The following AFF3 variants were observed in gnomAD, a reference collection of about 807,000 sequenced individuals.
AFF3 encodes the protein ALF transcription elongation factor 3.
In AFF3, 32 loss-of-function variants were observed where a neutral mutation model predicts 129.7. That is an observed-to-expected ratio of 0.25 (90% CI 0.19 to 0.33). The LOEUF (loss-of-function observed/expected upper bound fraction) is 0.33, where lower values mean the gene tolerates loss of function less well. Among genes scored for constraint, AFF3 ranks in the 10% least tolerant of loss-of-function variants. The pLI is 1.00. For missense variants in AFF3, 1,373 were observed against 1,592.0 expected, an observed-to-expected ratio of 0.86 and a Z score of 2.34; for synonymous variants, 644 against 635.4, an observed-to-expected ratio of 1.01 and a Z score of -0.20.
At chr2:99,570,456 C>A (rs1676371423) in intron 18 of AFF3, among the ~76,000 whole-genome samples, 1 of 152,164 alleles carries the variant, frequency 6.6e-6, no homozygotes. Flanking sequence ...CCCACCACAG[C>A]CTCCCAGGTA....
rs1404505930 is a variant in AFF3 at position 99,558,945 on chromosome 2, T to C, written c.3215A>G (p.Tyr1072Cys). 1.2e-6 allele frequency: 2 copies of C among 1,614,020 alleles called. No homozygotes were observed. Among genetic ancestry groups the C allele is most frequent in the Non-Finnish European group, 1.7e-6 (2 of 1,180,016 alleles). Reference protein sequence around the residue: ...ALCYRCLALLYWRMFRLKRDH... With the variant: ...ALCYRCLALLCWRMFRLKRDH... Reference sequence around the variant, plus strand: ...CCTTTTGAGTCGAAACATCCGCCAGTACAGGAGGGCCAGGCATCGGTAACT... The same window carrying C: ...CCTTTTGAGTCGAAACATCCGCCAGCACAGGAGGGCCAGGCATCGGTAACT... The change falls in exon 22 of 25, where the codon TAC becomes TGC. Residue 1072 changes from tyrosine (Y) to cysteine (C), a missense_variant. Transcript: ENST00000672756.
At chr2:100,010,657 G>T (rs1043720316) in intron 4 of AFF3, among the ~76,000 whole-genome samples, 2 of 152,124 alleles carry the variant, frequency 1.3e-5, no homozygotes, top group Non-Finnish European at 2.9e-5. Context: ...CTAACATCAC[G>T]ATCACTGATC....
intron 15 of AFF3, among the ~76,000 whole-genome samples, chr2:99,588,737 G>A (rs550275148): frequency 6.6e-6 from 1 of 152,220 alleles, no homozygotes; most frequent in East Asian, 1.9e-4. Context: ...CCAAAGCTCC[G>A]AGTTCTTAGT....
At chr2:99,692,662 C>G (rs77179555) in intron 11 of AFF3, among the ~76,000 whole-genome samples, 2,176 of 152,292 alleles carry the variant, frequency 0.014, 26 homozygotes, top group Non-Finnish European at 0.022. Flanking sequence ...TAGAAGTCCA[C>G]CAGACATTCC....
chr2:100,060,782 G>A (rs918400758), intron 4 of AFF3, among the ~76,000 whole-genome samples: 1 of 152,008 alleles, frequency 6.6e-6, no homozygotes, highest in Non-Finnish European at 1.5e-5. Context: ...GGCAACACTG[G>A]TATGATACTA....
intron 7 of AFF3, among the ~76,000 whole-genome samples, chr2:99,870,537 C>T (rs1196622248): frequency 6.6e-6 from 1 of 152,214 alleles, no homozygotes; most frequent in African/African-American, 2.4e-5. Context: ...ATGCAGACCC[C>T]ACCCCTGTGA....
chr2:99,688,749 C>T (rs955949008), intron 11 of AFF3, among the ~76,000 whole-genome samples: 5 of 152,160 alleles, frequency 3.3e-5, no homozygotes, highest in African/African-American at 1.2e-4. Flanking sequence ...ATGACTGCTT[C>T]CTCCAAGTGC....
chr2:99,897,919 C>T (rs1694090286), intron 7 of AFF3, among the ~76,000 whole-genome samples: 3 of 152,112 alleles, frequency 2.0e-5, no homozygotes, highest in South Asian at 4.2e-4. Flanking sequence ...TTATAATCTG[C>T]CAGTTTAATA....
chr2:99,744,919 G>A (rs1362935207), intron 9 of AFF3, among the ~76,000 whole-genome samples: 4 of 152,120 alleles, frequency 2.6e-5, no homozygotes, highest in Non-Finnish European at 5.9e-5. Context: ...GAATTTCTGG[G>A]TTATATAACT....
chr2:99,980,926 C>T (rs1679342603), intron 7 of AFF3, among the ~76,000 whole-genome samples: 1 of 152,026 alleles, frequency 6.6e-6, no homozygotes, highest in South Asian at 2.1e-4. Flanking sequence ...TTGGGATCAT[C>T]CTCTATATAT....
intron 3 of AFF3, chr2:100,104,798 A>AGCCGCCGCC (rs1161664536): frequency 0.035 from 21,264 of 615,884 alleles, 826 homozygotes; most frequent in African/African-American, 0.1. Context: ...CCGCTGCTGC[A>AGCCGCCGCC]GCCGCCGCCG....
chr2:99,755,595 A>C (rs1682031374), intron 8 of AFF3, among the ~76,000 whole-genome samples: 1 of 152,060 alleles, frequency 6.6e-6, no homozygotes, highest in Non-Finnish European at 1.5e-5. Flanking sequence ...GCAACTGGGC[A>C]ATCTTATGGG....
At chr2:99,899,588 G>A (rs1344313178) in intron 7 of AFF3, among the ~76,000 whole-genome samples, 1 of 152,200 alleles carries the variant, frequency 6.6e-6, no homozygotes, top group Non-Finnish European at 1.5e-5. Context: ...AAGAAGTATT[G>A]CTGACATAAG....
chr2:99,751,195 G>A (rs1681623689), intron 9 of AFF3, among the ~76,000 whole-genome samples: 1 of 152,208 alleles, frequency 6.6e-6, no homozygotes. Flanking sequence ...TCAGGTTCAA[G>A]TGATCCTCCT....
chr2:100,137,502 C>G (rs1035801383), intron 1 of AFF3, among the ~76,000 whole-genome samples: 1 of 151,938 alleles, frequency 6.6e-6, no homozygotes, highest in African/African-American at 2.4e-5. Context: ...TTATGTGTGC[C>G]TGGTGCGTGC....
intron 7 of AFF3, among the ~76,000 whole-genome samples, chr2:99,873,729 T>G (rs1576244158): frequency 8.4e-6 from 1 of 118,880 alleles, no homozygotes; most frequent in South Asian, 2.4e-4. Flanking sequence ...ATCTTAGTGG[T>G]TTTTTTTTTT....
intron 7 of AFF3, among the ~76,000 whole-genome samples, chr2:99,846,936 T>G (rs1251318350): frequency 6.6e-6 from 1 of 152,184 alleles, no homozygotes; most frequent in East Asian, 1.9e-4. Flanking sequence ...CAGCCATTTC[T>G]ATGTATGCTC....
At chr2:100,115,215 C>G (rs937399078) in intron 2 of AFF3, among the ~76,000 whole-genome samples, 2 of 152,130 alleles carry the variant, frequency 1.3e-5, no homozygotes, top group African/African-American at 4.8e-5. Flanking sequence ...GTGATCCCAC[C>G]TATAGCTAAT....
intron 7 of AFF3, among the ~76,000 whole-genome samples, chr2:99,991,424 A>G (rs1187176743): frequency 1.3e-5 from 2 of 152,204 alleles, no homozygotes; most frequent in Non-Finnish European, 2.9e-5. Flanking sequence ...TCGATAAAAC[A>G]GCAGATTAAA....
Sources: gnomAD v4.1 joint callset for allele counts (sites outside exome capture counted in the v4.1 genomes callset) on GRCh38, gnomAD v4.1.1 for gene constraint, MANE v1.5 for transcripts, NCBI Gene and HGNC (gene_info 2026-07-23, HGNC 2026-07-21) for gene names.